Variants in PCDHGA3 observed in about 807,000 individuals in gnomAD.
PCDHGA3 encodes protocadherin gamma-A3.
Under a neutral mutation model 58.5 loss-of-function variants are expected in PCDHGA3, and 40 were observed. The ratio of observed to expected loss-of-function variants is 0.68; its 90% confidence interval spans 0.53 to 0.89. The LOEUF (loss-of-function observed/expected upper bound fraction) is 0.89, where lower values mean the gene tolerates loss of function less well. PCDHGA3 is among the 40% of genes least tolerant of loss of function. The pLI, the probability that PCDHGA3 is intolerant of heterozygous loss-of-function variation, is 0.00. For synonymous variants in PCDHGA3, 530 were observed against 525.7 expected, an observed-to-expected ratio of 1.01 and a Z score of -0.11; for missense variants, 1,223 against 1,195.9, an observed-to-expected ratio of 1.02 and a Z score of -0.33.
At chr5:141,371,049 G>T in intron 1 of PCDHGA3, 1 of 1,613,942 alleles carries the variant, frequency 6.2e-7, no homozygotes, top group Non-Finnish European at 8.5e-7. Flanking sequence ...GGATGGGGGC[G>T]AGCCCTCCAG....
intron 1 of PCDHGA3, among the ~76,000 whole-genome samples, chr5:141,471,118 A>G (rs58897068): frequency 0.11 from 15,938 of 141,604 alleles, 871 homozygotes; most frequent in South Asian, 0.16. Flanking sequence ...GTGCGATCTT[A>G]CCTTCACTGC....
chr5:141,506,459 A>G (rs1159808052), intron 3 of PCDHGA3, among the ~76,000 whole-genome samples: 4 of 151,918 alleles, frequency 2.6e-5, no homozygotes, highest in Non-Finnish European at 4.4e-5. Context: ...AAAAAAAAAA[A>G]AAAAAAGAGC....
At position 141,344,073 on chromosome 5, in the gene PCDHGA3, G is replaced by C; in HGVS notation, c.40G>C (p.Ala14Pro). The change falls in exon 1 of 4, where the codon GCC becomes CCC. Residue 14 changes from alanine to proline, a missense_variant. Coordinates refer to ENST00000253812, the MANE Select transcript of PCDHGA3 (RefSeq NM_018916.4). The stretch of plus-strand genomic sequence containing the variant: ...GAGTTTCCGAAATGGCAGAGGACTG[G>C]CCCTGCTGTGCGCGCTCCTGGGGAC... ...CLSFRNGRGL[A>P]LLCALLGTLC... 6.2e-7 allele frequency: 1 copy of C among 1,608,996 alleles called. No individual in the cohort carries two copies. The highest frequency in any genetic ancestry group is 8.5e-7 in the Non-Finnish European group (1 of 1,176,784).
chr5:141,361,098 A>T (rs1345076438), intron 1 of PCDHGA3: 1 of 1,614,016 alleles, frequency 6.2e-7, no homozygotes, highest in Non-Finnish European at 8.5e-7. Flanking sequence ...GTATCGAAGC[A>T]AAAGATCCTG....
chr5:141,428,446 T>C lies in PCDHGA3; in HGVS notation c.2425-66361T>C, dbSNP rs575475897. On this transcript the variant is annotated intron_variant, in intron 1 of 3. Coordinates refer to ENST00000253812, the MANE Select transcript of PCDHGA3 (RefSeq NM_018916.4). The stretch of plus-strand genomic sequence containing the variant: ...CTGTTCTAAGACTAGACCAGGGGTT[T>C]TTCCCAACTACAATGAGGGAACTTT... 4.2e-5 allele frequency: 16 copies of C among 378,218 alleles called. No homozygotes were observed. The East Asian group carries it at 8.8e-4, about 21-fold the overall frequency. 23.4% of individuals were successfully genotyped at this position (378,218 alleles called of 1,614,324 possible). A position where few individuals can be genotyped will look rare whatever the true frequency, so the allele number is the denominator to read the frequency against.
intron 1 of PCDHGA3, chr5:141,422,201 G>T (rs764621323): frequency 1.9e-6 from 3 of 1,562,386 alleles, no homozygotes; most frequent in Admixed American, 2.0e-5. Flanking sequence ...GGCCAAGATG[G>T]TGGAGGTCTC....
At chr5:141,409,471 AG>A in intron 1 of PCDHGA3, 1 of 1,613,978 alleles carries the variant, frequency 6.2e-7, no homozygotes, top group Non-Finnish European at 8.5e-7. Flanking sequence ...TCACCATCGT[AG>A]CCACTGACAG....
At chr5:141,464,400 G>GAGATATATATATATCTATATATAT (rs2099082782) in intron 1 of PCDHGA3, among the ~76,000 whole-genome samples, 3 of 151,366 alleles carry the variant, frequency 2.0e-5, no homozygotes, top group African/African-American at 4.9e-5. Context: ...TGAAGAACCT[G>GAGATATATATATATCTATATATAT]AGATATATAT....
At chr5:141,390,019 G>GCCTGCGAC (rs1380063948) in intron 1 of PCDHGA3, 1 of 1,614,002 alleles carries the variant, frequency 6.2e-7, no homozygotes. Context: ...ATTGCCTTGC[G>GCCTGCGAC]CCTGCGACGC....
intron 2 of PCDHGA3, among the ~76,000 whole-genome samples, chr5:141,499,796 C>T (rs2099794539): frequency 6.6e-6 from 1 of 150,412 alleles, no homozygotes; most frequent in South Asian, 2.1e-4. Context: ...AAGCAATTCT[C>T]ATGCTTCAGC....
intron 1 of PCDHGA3, chr5:141,416,389 T>A (rs2096020280): frequency 6.6e-6 from 1 of 152,236 alleles, no homozygotes; most frequent in Non-Finnish European, 1.5e-5. Context: ...TATTTGGGAT[T>A]CTGCTTTTGT....
intron 1 of PCDHGA3, among the ~76,000 whole-genome samples, chr5:141,474,082 C>CA (rs1449032579): frequency 1.3e-5 from 2 of 152,064 alleles, no homozygotes; most frequent in African/African-American, 4.8e-5. Context: ...AAACAAAAAC[C>CA]AAAAAACAAA....
At position 141,477,415 on chromosome 5, in the gene PCDHGA3, A is replaced by T. The variant is rs771293212; in HGVS notation, c.2425-17392A>T. On this transcript the variant is annotated intron_variant, in intron 1 of 3. Coordinates refer to ENST00000253812, the MANE Select transcript of PCDHGA3 (RefSeq NM_018916.4). This position sits in a 1 kb window ranked among gnomAD's most constrained non-coding sequence, Gnocchi z 4.9. ...TCAGCATCACCGCCCGAGACGCCGG[A>T]ACCCCTTCCCTCTCAGCCCTTACAA... 12 of 1,614,162 alleles carry T rather than the reference A, an allele frequency of 7.4e-6. No individual in the cohort carries two copies. The highest frequency in any genetic ancestry group is 1.0e-5 in the Non-Finnish European group (12 of 1,180,020).
intron 1 of PCDHGA3, chr5:141,361,617 C>A (rs762792613): frequency 4.3e-6 from 7 of 1,613,866 alleles, no homozygotes; most frequent in Admixed American, 1.7e-5. Context: ...TCGTAGCGAG[C>A]GACCTGAAGC....
At chr5:141,392,689 C>T in intron 1 of PCDHGA3, 1 of 1,115,570 alleles carries the variant, frequency 9.0e-7, no homozygotes, top group Non-Finnish European at 1.2e-6. Context: ...CAGCGAAACC[C>T]GACCCCTGTT....
At chr5:141,350,170 G>C in intron 1 of PCDHGA3, 1 of 1,241,078 alleles carries the variant, frequency 8.1e-7, no homozygotes, top group East Asian at 2.6e-5. Context: ...TAACTAATAA[G>C]TCCTAAGCTC....
Position 141,511,313 on chromosome 5 carries a change from C to T in PCDHGA3, c.*140C>T. ...CCAAGGCCATGCTCCCCTTGGGAAA[C>T]AGAAACAAGTGCCCAGTCAGCACCT... On this transcript the variant is annotated 3_prime_UTR_variant, in exon 4 of 4. Transcript: ENST00000253812. 2 of 1,482,944 alleles carry T rather than the reference C, an allele frequency of 1.3e-6. No homozygotes were observed. The highest frequency in any genetic ancestry group is 2.3e-5 in the Admixed American group (1 of 43,596). 91.9% of individuals were successfully genotyped at this position (1,482,944 alleles called of 1,614,324 possible).
In PCDHGA3 at chr5:141,431,371, A is replaced by G. The variant is rs2097366432; in HGVS notation, c.2425-63436A>G. The G allele has an allele frequency of 6.2e-7, 1 of 1,613,998 alleles. No individual in the cohort carries two copies. The highest frequency in any genetic ancestry group is 8.5e-7 in the Non-Finnish European group (1 of 1,180,038). ...TGAAACGCGCCCTGGACCGCGAAGA[A>G]AAGGCTGCTCACCACCTGGTCCTTA... On this transcript the variant is annotated intron_variant, in intron 1 of 3. Transcript: ENST00000253812. The surrounding 1 kb of genome is among the most constrained non-coding windows in gnomAD (Gnocchi z 4.8).
Position 141,491,954 on chromosome 5 carries a change from C to A in PCDHGA3, c.2425-2853C>A. ...TGGGACCGACCCCCACCCCTACACT[C>A]AAAAAAGGCCGGGGCCTCCTTCGAG... On this transcript the variant is annotated intron_variant, in intron 1 of 3. Transcript: ENST00000253812. This position sits in a 1 kb window ranked among gnomAD's most constrained non-coding sequence, Gnocchi z 6.9. The A allele has an allele frequency of 9.7e-7, 1 of 1,032,914 alleles. No individual in the cohort carries two copies. Among genetic ancestry groups the A allele is most frequent in the Non-Finnish European group, 1.3e-6 (1 of 747,256 alleles). The allele number at this position is 1,032,914 out of a possible 1,614,324, so 64.0% of individuals were successfully genotyped here.
Sources: gnomAD v4.1 joint callset for allele counts (sites outside exome capture counted in the v4.1 genomes callset) on GRCh38, gnomAD v4.1.1 for gene constraint, Gnocchi (gnomAD v3.1) non-coding constraint, MANE v1.5 for transcripts, NCBI Gene and HGNC (gene_info 2026-07-23, HGNC 2026-07-21) for gene names.